Variants in PRKN observed in about 807,000 individuals in gnomAD.
The protein encoded by PRKN is E3 ubiquitin-protein ligase parkin.
PRKN carries 56 observed loss-of-function variants against 59.5 expected under a neutral mutation model. The ratio of observed to expected loss-of-function variants is 0.94; its 90% confidence interval spans 0.76 to 1.18. PRKN has a LOEUF of 1.18. Among genes scored for constraint, PRKN ranks in the 50% most tolerant of loss-of-function variants. PRKN has a pLI of 0.00. For synonymous variants in PRKN, 250 were observed against 222.1 expected (o/e 1.13, Z -1.12); for missense variants, 657 against 596.4 (o/e 1.10, Z -1.06).
intron 6 of PRKN, among the ~76,000 whole-genome samples, chr6:161,909,151 A>C (rs1028884726): frequency 1.3e-5 from 2 of 152,198 alleles, no homozygotes; most frequent in African/African-American, 4.8e-5. Context: ...TGATTCATAG[A>C]GAAAGCTTAA....
chr6:161,656,822 T>C (rs1445332562), intron 7 of PRKN, among the ~76,000 whole-genome samples: 5 of 152,208 alleles, frequency 3.3e-5, no homozygotes. Context: ...CTCATGTTTA[T>C]TGTATATCCC....
intron 1 of PRKN, among the ~76,000 whole-genome samples, chr6:162,492,693 T>G (rs1211598672): frequency 6.6e-6 from 1 of 152,074 alleles, no homozygotes; most frequent in Non-Finnish European, 1.5e-5. Flanking sequence ...GGCTCACGCC[T>G]GTAATCCCAG....
At chr6:162,077,570 T>G (rs1465991992) in intron 4 of PRKN, among the ~76,000 whole-genome samples, 2 of 152,102 alleles carry the variant, frequency 1.3e-5, no homozygotes, top group African/African-American at 2.4e-5. Flanking sequence ...TAGCTGAGTA[T>G]TCTTTCAAAA....
Position 161,428,782 on chromosome 6 carries a change from A to G in PRKN, c.1084-41905T>C, listed in dbSNP as rs1290871266. On this transcript the variant is annotated intron_variant, in intron 9 of 11. Transcript: ENST00000366898. This position sits in a 1 kb window ranked among gnomAD's most constrained non-coding sequence, Gnocchi z 4.0. The stretch of plus-strand genomic sequence containing the variant: ...TTGGAAAACCTCCATCTTGTCATAT[A>G]TGGGCAAGCATTCATGTATTTCAAG... Among the ~76,000 whole-genome samples the G allele has an allele frequency of 1.3e-5, 2 of 152,156 alleles. No individual in the cohort carries two copies. The highest frequency in any genetic ancestry group is 2.9e-5 in the Non-Finnish European group (2 of 68,034).
At position 161,349,735 on chromosome 6, in the gene PRKN, GT is replaced by G. The variant is rs1248380911; in HGVS notation, c.*363del. 4 of 385,076 alleles carry G rather than the reference GT, an allele frequency of 1.0e-5. No individual in the cohort carries two copies. In the East Asian group the frequency reaches 1.8e-4, roughly 17 times the overall value. The allele number at this position is 385,076 out of a possible 1,614,324, so 23.9% of individuals were successfully genotyped here. On this transcript the variant is annotated 3_prime_UTR_variant, in exon 12 of 12. Coordinates refer to ENST00000366898, the MANE Select transcript of PRKN (RefSeq NM_004562.3). The surrounding 1 kb of genome is among the most constrained non-coding windows in gnomAD (Gnocchi z 5.5). Reference sequence around the variant, plus strand: ...CTGATTCTGCCTGTCTCGAATTCAGGTGAGAATGACCCATACAGATACATGG... The same window carrying G: ...CTGATTCTGCCTGTCTCGAATTCAGGGAGAATGACCCATACAGATACATGG...
intron 1 of PRKN, among the ~76,000 whole-genome samples, chr6:162,706,399 G>A (rs1778340231): frequency 6.6e-6 from 1 of 152,134 alleles, no homozygotes; most frequent in African/African-American, 2.4e-5. Context: ...AGATAATTCT[G>A]GAGGAAATTG....
At chr6:162,307,867 T>C (rs914811310) in intron 2 of PRKN, among the ~76,000 whole-genome samples, 5 of 152,060 alleles carry the variant, frequency 3.3e-5, no homozygotes, top group African/African-American at 9.7e-5. Context: ...AAAGTGGTTA[T>C]TGTTAATACA....
At chr6:161,926,541 A>G (rs1778976654) in intron 6 of PRKN, among the ~76,000 whole-genome samples, 1 of 152,192 alleles carries the variant, frequency 6.6e-6, no homozygotes, top group Non-Finnish European at 1.5e-5. Flanking sequence ...GTGTGTTCAG[A>G]GGGCTGCAGC....
chr6:161,653,674 C>T lies in PRKN; in HGVS notation c.872-84258G>A, dbSNP rs1466110370. On this transcript the variant is annotated intron_variant, in intron 7 of 11. Coordinates refer to ENST00000366898, the MANE Select transcript of PRKN (RefSeq NM_004562.3). ...TCCTCCACCACAGAATAGAGAAGTACATCGTATATATACTATAAATACTTC... is the reference window on the plus strand; with the variant it reads ...TCCTCCACCACAGAATAGAGAAGTATATCGTATATATACTATAAATACTTC... Among the ~76,000 whole-genome samples, 4 of 152,178 alleles carry T rather than the reference C, an allele frequency of 2.6e-5. No individual in the cohort carries two copies. In the East Asian group the frequency reaches 7.7e-4, roughly 29 times the overall value.
At chr6:161,415,360 A>T (rs978213219) in intron 9 of PRKN, among the ~76,000 whole-genome samples, 5 of 152,052 alleles carry the variant, frequency 3.3e-5, no homozygotes, top group African/African-American at 1.2e-4. Context: ...AGTCAAATCT[A>T]GATTTGAACA....
In PRKN at chr6:162,431,726, A is replaced by AAG. The variant is rs565595397; in HGVS notation, c.171+11582_171+11583dup. On this transcript the variant is annotated intron_variant, in intron 2 of 11. Coordinates refer to ENST00000366898, the MANE Select transcript of PRKN (RefSeq NM_004562.3). ...AAGAAAACTGCCAATCATTTTGAAT[A>AAG]AGAGATGGTCCACTACATTCCTCCA... Among the ~76,000 whole-genome samples the AAG allele has an allele frequency of 1.7e-3, 265 of 152,350 alleles. 1 individual carries two copies. Among genetic ancestry groups the AAG allele is most frequent in the African/African-American group, 6.1e-3 (252 of 41,590 alleles).
chr6:162,405,236 A>C (rs1787998128), intron 2 of PRKN, among the ~76,000 whole-genome samples: 1 of 152,192 alleles, frequency 6.6e-6, no homozygotes, highest in Non-Finnish European at 1.5e-5. Flanking sequence ...TCTAGTGAGA[A>C]CATGGAATAG....
chr6:162,385,971 G>T (rs936764368), intron 2 of PRKN, among the ~76,000 whole-genome samples: 1 of 151,978 alleles, frequency 6.6e-6, no homozygotes, highest in Non-Finnish European at 1.5e-5. Flanking sequence ...AGAATGACAA[G>T]CTCAGTATAA....
At chr6:162,723,448 G>A (rs1349076645) in intron 1 of PRKN, among the ~76,000 whole-genome samples, 1 of 152,148 alleles carries the variant, frequency 6.6e-6, no homozygotes, top group East Asian at 1.9e-4. Context: ...TACACTGAAA[G>A]GCACTACCCC....
chr6:161,911,693 ATGT>A (rs1778367383), intron 6 of PRKN, among the ~76,000 whole-genome samples: 1 of 152,222 alleles, frequency 6.6e-6, no homozygotes, highest in African/African-American at 2.4e-5. Context: ...CAGTATAGAA[ATGT>A]AGTATATCAT....
At chr6:161,950,024 C>T (rs566889975) in intron 6 of PRKN, among the ~76,000 whole-genome samples, 122 of 152,324 alleles carry the variant, frequency 8.0e-4, no homozygotes, top group African/African-American at 2.8e-3. Context: ...ACAGCATGTG[C>T]CAAGGTCCTG....
intron 6 of PRKN, among the ~76,000 whole-genome samples, chr6:161,859,658 G>A (rs1310619594): frequency 6.7e-6 from 1 of 148,596 alleles, no homozygotes; most frequent in Non-Finnish European, 1.5e-5. Context: ...TATGTCTTGT[G>A]ACAAGAGTTA....
chr6:161,806,760 T>C (rs1426138128), intron 6 of PRKN, among the ~76,000 whole-genome samples: 2 of 152,322 alleles, frequency 1.3e-5, no homozygotes, highest in Non-Finnish European at 2.9e-5. Context: ...TGAATGTGCA[T>C]TGGGGATCTG....
chr6:161,964,940 C>T (rs1267506949), intron 6 of PRKN, among the ~76,000 whole-genome samples: 1 of 151,920 alleles, frequency 6.6e-6, no homozygotes, highest in Non-Finnish European at 1.5e-5. Flanking sequence ...CAACAGAATG[C>T]CAGCTATAGC....
Sources: allele counts gnomAD v4.1 joint callset (sites outside exome capture counted in the v4.1 genomes callset), GRCh38; gene constraint gnomAD v4.1.1; non-coding constraint Gnocchi (gnomAD v3.1); transcripts MANE v1.5; gene names NCBI Gene and HGNC (gene_info 2026-07-23, HGNC 2026-07-21).